OR7A10: variants seen among roughly 807,000 people sequenced by gnomAD.
OR7A10 encodes the protein olfactory receptor 7A10.
For missense variants in OR7A10, 358 were observed against 370.1 expected (o/e 0.97, Z 0.27); for synonymous variants, 144 against 144.5 (o/e 1.00, Z 0.02).
In OR7A10 at chr19:14,841,809, C is replaced by G. The variant is rs746285646; in HGVS notation, c.69G>C (p.Leu23Phe). ...GGAACAGCCCAAAGAGGAAGGCCTG[C>G]AATTCTGGTTCCTCTGAAATTCCCA... ...LLLGISEEPE[L>F]QAFLFGLFLS... The change falls in exon 2 of 2, where the codon TTG becomes TTC. Residue 23 changes from leucine (L) to phenylalanine (F), a missense_variant. Leu to Phe is a conservative substitution (Grantham distance 22). Coordinates refer to ENST00000641129, the MANE Select transcript of OR7A10 (RefSeq NM_001005190.2). 5.6e-6 allele frequency: 9 copies of G among 1,613,642 alleles called. No homozygotes were observed. The highest frequency in any genetic ancestry group is 8.5e-7 in the Non-Finnish European group (1 of 1,179,944).
chr19:14,847,218 T>C (rs371951596), intron 1 of OR7A10, among the ~76,000 whole-genome samples: 1 of 152,216 alleles, frequency 6.6e-6, no homozygotes, highest in East Asian at 1.9e-4. Flanking sequence ...GAATCCATCA[T>C]ACAAAAGCCA....
At chr19:14,841,961 A>G (rs2044917069) in intron 1 of OR7A10, 72 bp from the exon 2 acceptor site, 1 of 889,092 alleles carries the variant, frequency 1.1e-6, no homozygotes, top group Non-Finnish European at 1.7e-6. Context: ...CAAAACTATC[A>G]GAAATGTTAT....
chr19:14,842,709 T>C (rs1306462962), intron 1 of OR7A10, among the ~76,000 whole-genome samples: 1 of 152,248 alleles, frequency 6.6e-6, no homozygotes, highest in African/African-American at 2.4e-5. Context: ...TTCTTTATTA[T>C]GGCTTCGTAA....
At chr19:14,845,224 C>T (rs983102490) in intron 1 of OR7A10, among the ~76,000 whole-genome samples, 7 of 151,928 alleles carry the variant, frequency 4.6e-5, no homozygotes, top group Non-Finnish European at 1.0e-4. Flanking sequence ...CCTGTAATCC[C>T]AGCACTTTGG....
intron 1 of OR7A10, among the ~76,000 whole-genome samples, chr19:14,845,162 A>T (rs1303489125): frequency 1.3e-5 from 2 of 150,372 alleles, no homozygotes; most frequent in African/African-American, 4.9e-5. Flanking sequence ...TGCTCTTCTC[A>T]CCCCTAGTCT....
At chr19:14,843,736 G>C (rs184431863) in intron 1 of OR7A10, among the ~76,000 whole-genome samples, 2 of 152,168 alleles carry the variant, frequency 1.3e-5, no homozygotes, top group South Asian at 4.1e-4. Flanking sequence ...ATTTCGACAT[G>C]TTCCAGATGC....
chr19:14,841,431 C>A lies in OR7A10; in HGVS notation c.447G>T (p.Trp149Cys), dbSNP rs1235617826. ...QLCGLLVLASWIMSVLNSMLQ... is the reference protein window; with the variant it reads ...QLCGLLVLASCIMSVLNSMLQ... ...ACATGGAATTCAGAACACTCATGATCCAGGATGCCAGAACCAGCAGTCCAC... is the reference window on the plus strand; with the variant it reads ...ACATGGAATTCAGAACACTCATGATACAGGATGCCAGAACCAGCAGTCCAC... Residue 149 changes from tryptophan (W) to cysteine (C), a missense_variant, in exon 2 of 2, where the codon TGG (tryptophan) becomes TGT (cysteine). Physicochemically the swap from Trp to Cys is radical, Grantham distance 215. Transcript: ENST00000641129. The A allele has an allele frequency of 6.2e-7, 1 of 1,614,106 alleles. No individual in the cohort carries two copies. Among genetic ancestry groups the A allele is most frequent in the Admixed American group, 1.7e-5 (1 of 60,012 alleles).
chr19:14,844,664 G>GGTTTTTTTTTTTTTTT (rs1555697163), intron 1 of OR7A10, among the ~76,000 whole-genome samples: 1 of 97,660 alleles, frequency 1.0e-5, no homozygotes, highest in South Asian at 4.0e-4. Context: ...TGAGTTCTGT[G>GGTTTTTTTTTTTTTTT]TTTTTTTTTT....
chr19:14,841,888 G>A lies in OR7A10; in HGVS notation c.-11C>T. The A allele has an allele frequency of 6.5e-7, 1 of 1,548,088 alleles. No homozygotes were observed. The highest frequency in any genetic ancestry group is 8.8e-7 in the Non-Finnish European group (1 of 1,132,868). On this transcript the variant is annotated splice_region_variant and 5_prime_UTR_variant, in exon 2 of 2. Transcript: ENST00000641129. ...GTTCCATGATTTCATCTTGTGATGTGACTACCAGAGAGAGAGAGAGAGAGA... is the reference window on the plus strand; with the variant it reads ...GTTCCATGATTTCATCTTGTGATGTAACTACCAGAGAGAGAGAGAGAGAGA...
In OR7A10 at chr19:14,840,679, A is replaced by G. The variant is rs1210479665; in HGVS notation, c.*269T>C. ...CGTGGACACCAGGCTCCTCTACTTC[A>G]ATGAGTAGATGTACCCCAACGAAAA... On this transcript the variant is annotated 3_prime_UTR_variant, in exon 2 of 2. Transcript: ENST00000641129. 3.6e-6 allele frequency: 1 copy of G among 275,984 alleles called. No homozygotes were observed. The highest frequency in any genetic ancestry group is 2.2e-5 in the African/African-American group (1 of 45,370). 17.1% of individuals were successfully genotyped at this position (275,984 alleles called of 1,614,324 possible).
intron 1 of OR7A10, among the ~76,000 whole-genome samples, chr19:14,843,694 A>C (rs1166617609): frequency 6.6e-6 from 1 of 152,134 alleles, no homozygotes; most frequent in East Asian, 1.9e-4. Context: ...TAGGGAGAAA[A>C]ATCTTTCATG....
chr19:14,845,917 A>G (rs1156791227), intron 1 of OR7A10, among the ~76,000 whole-genome samples: 2 of 152,154 alleles, frequency 1.3e-5, no homozygotes, highest in African/African-American at 4.8e-5. Flanking sequence ...AAAATGTGGG[A>G]GGCCGAAGCG....
At chr19:14,842,538 A>T (rs1340753784) in intron 1 of OR7A10, among the ~76,000 whole-genome samples, 1 of 152,226 alleles carries the variant, frequency 6.6e-6, no homozygotes, top group East Asian at 1.9e-4. Flanking sequence ...GGCATGAGCC[A>T]TGTACCTGGA....
At position 14,841,860 on chromosome 19, in the gene OR7A10, A is replaced by T. The variant is rs375244791; in HGVS notation, c.18T>A (p.Asn6Lys). ...GGAGAAGAAATTCTAAAATTATTGT[A>T]TTGTTCCATGATTTCATCTTGTGAT... MKSWNNTIILEFLLLG... is the reference protein window; with the variant it reads MKSWNKTIILEFLLLG... The change falls in exon 2 of 2, where the codon AAT (asparagine) becomes AAA (lysine). Residue 6 changes from asparagine to lysine, a missense_variant. Asn to Lys is a moderately conservative substitution (Grantham distance 94). Coordinates refer to ENST00000641129, the MANE Select transcript of OR7A10 (RefSeq NM_001005190.2). The T allele has an allele frequency of 1.0e-5, 16 of 1,596,424 alleles. No homozygotes were observed. The highest frequency in any genetic ancestry group is 1.7e-5 in the Admixed American group (1 of 59,740).
At chr19:14,844,204 A>G (rs188940271) in intron 1 of OR7A10, among the ~76,000 whole-genome samples, 8 of 152,340 alleles carry the variant, frequency 5.3e-5, no homozygotes, top group Admixed American at 2.0e-4. Flanking sequence ...GACAGATCCT[A>G]TACTACATCA....
intron 1 of OR7A10, among the ~76,000 whole-genome samples, chr19:14,843,919 G>T (rs73506458): frequency 6.6e-6 from 1 of 152,110 alleles, no homozygotes. Context: ...TCGGGGGTAC[G>T]GGATAAGGGG....
intron 1 of OR7A10, among the ~76,000 whole-genome samples, chr19:14,844,513 A>G (rs1355667608): frequency 6.6e-6 from 1 of 152,142 alleles, no homozygotes; most frequent in African/African-American, 2.4e-5. Flanking sequence ...ATGAGGAATG[A>G]GGTGACCTCC....
intron 1 of OR7A10, among the ~76,000 whole-genome samples, chr19:14,842,354 G>T (rs1367868920): frequency 6.6e-6 from 1 of 152,148 alleles, no homozygotes; most frequent in African/African-American, 2.4e-5. Context: ...TTGTTCAAGC[G>T]AATCTTGTGC....
chr19:14,841,796 A>T lies in OR7A10; in HGVS notation c.82T>A (p.Phe28Ile), dbSNP rs932535718. The change falls in exon 2 of 2, where the codon TTT (phenylalanine) becomes ATT (isoleucine). Residue 28 changes from phenylalanine (F) to isoleucine (I), a missense_variant. Coordinates refer to ENST00000641129, the MANE Select transcript of OR7A10 (RefSeq NM_001005190.2). ...SEEPELQAFL[F>I]GLFLSMYLVT... ...AGGTACATGGACAGGAACAGCCCAA[A>T]GAGGAAGGCCTGCAATTCTGGTTCC... The T allele has an allele frequency of 8.7e-6, 14 of 1,613,984 alleles. No homozygotes were observed. The highest frequency in any genetic ancestry group is 1.2e-5 in the Non-Finnish European group (14 of 1,180,034).
Sources: gnomAD v4.1 joint callset for allele counts (sites outside exome capture counted in the v4.1 genomes callset) on GRCh38, gnomAD v4.1.1 for gene constraint, MANE v1.5 for transcripts, NCBI Gene and HGNC (gene_info 2026-07-23, HGNC 2026-07-21) for gene names.